Variants in TTC28 observed in about 807,000 individuals in gnomAD.
TTC28 encodes tetratricopeptide repeat domain 28.
In TTC28, 61 loss-of-function variants were observed where a neutral mutation model predicts 198.0. That is an observed-to-expected ratio of 0.31 (90% CI 0.25 to 0.38). TTC28 has a LOEUF of 0.38. TTC28 is among the 10% of genes least tolerant of loss of function. The probability of loss-of-function intolerance (pLI) is 1.00; values close to 1 mark genes in which losing one functional copy is unlikely to be tolerated. For synonymous variants in TTC28, 1,171 were observed against 1,297.8 expected, an observed-to-expected ratio of 0.90 and a Z score of 2.10; for missense variants, 2,678 against 3,164.0, an observed-to-expected ratio of 0.85 and a Z score of 3.69.
chr22:28,062,215 GC>G (rs1416560553), intron 12 of TTC28, among the ~76,000 whole-genome samples: 2 of 151,848 alleles, frequency 1.3e-5, no homozygotes, highest in Non-Finnish European at 2.9e-5. Context: ...GTGCCACCAT[GC>G]CTGGCTAATT....
intron 2 of TTC28, among the ~76,000 whole-genome samples, chr22:28,569,562 T>C (rs1238783168): frequency 6.6e-6 from 1 of 152,042 alleles, no homozygotes. Context: ...CAACTCAAGA[T>C]GGATTAAAGA....
At chr22:28,553,405 C>T (rs1417962892) in intron 2 of TTC28, among the ~76,000 whole-genome samples, 1 of 149,646 alleles carries the variant, frequency 6.7e-6, no homozygotes, top group Non-Finnish European at 1.5e-5. Context: ...GGCCGCCCAT[C>T]GTCTGAGATG....
intron 5 of TTC28, among the ~76,000 whole-genome samples, chr22:28,251,401 G>T (rs959709858): frequency 1.3e-5 from 2 of 152,118 alleles, no homozygotes; most frequent in Non-Finnish European, 2.9e-5. Flanking sequence ...TGGCAAAGTT[G>T]GTTAGTTGTG....
rs1014431960 is a variant in TTC28 at position 28,280,333 on chromosome 22, A to T, written c.933+15865T>A. Among the ~76,000 whole-genome samples, 345 of 150,450 alleles carry T rather than the reference A, an allele frequency of 2.3e-3. 3 individuals are homozygous for T. The highest frequency in any genetic ancestry group is 7.6e-3 in the African/African-American group (312 of 41,028). ...AAAAAAGAAAAAAGTAAAAAAAAAA[A>T]TTTTTTTTTTGAGATGGAGTTTTGC... On this transcript the variant is annotated intron_variant, in intron 5 of 22. Transcript: ENST00000397906.
Position 27,978,702 on chromosome 22 carries a change from C to T in TTC28, c.*3519G>A, listed in dbSNP as rs1240515003. Reference sequence around the variant, plus strand: ...TTTTGTGTTGCACATCAGTGTGGATCAAAATGTAAGTTTTAGTAGCAATTT... The same window carrying T: ...TTTTGTGTTGCACATCAGTGTGGATTAAAATGTAAGTTTTAGTAGCAATTT... On this transcript the variant is annotated 3_prime_UTR_variant, in exon 23 of 23. Coordinates refer to ENST00000397906, the MANE Select transcript of TTC28 (RefSeq NM_001145418.2). 2 of 152,136 alleles carry T rather than the reference C, an allele frequency of 1.3e-5. No homozygotes were observed. The highest frequency in any genetic ancestry group is 4.8e-5 in the African/African-American group (2 of 41,420). The allele number at this position is 152,136 out of a possible 1,614,324, so 9.4% of individuals were successfully genotyped here. A position where few individuals can be genotyped will look rare whatever the true frequency, so the allele number is the denominator to read the frequency against.
At position 28,265,813 on chromosome 22, in the gene TTC28, A is replaced by G. The variant is rs868572469; in HGVS notation, c.933+30385T>C. On this transcript the variant is annotated intron_variant, in intron 5 of 22. Transcript: ENST00000397906. ...GAAAATGGCCTTTAGAAGTTATCTC[A>G]TCATTATTCCTTCAACAACACCCAG... 2.0e-5 allele frequency among the ~76,000 whole-genome samples: 3 copies of G among 152,312 alleles called. 1 individual carries two copies. In the Middle Eastern group the frequency reaches 0.01, roughly 518 times the overall value.
chr22:28,220,439 T>C (rs1334480240), intron 5 of TTC28, among the ~76,000 whole-genome samples: 2 of 152,218 alleles, frequency 1.3e-5, no homozygotes, highest in East Asian at 3.9e-4. Flanking sequence ...GAGGCTTAAT[T>C]TGGGGAGGAT....
At chr22:28,336,950 C>A (rs1185296742) in intron 2 of TTC28, among the ~76,000 whole-genome samples, 1 of 152,174 alleles carries the variant, frequency 6.6e-6, no homozygotes, top group Non-Finnish European at 1.5e-5. Context: ...AATTTTAGAT[C>A]TTTCCTGCTT....
At chr22:27,990,285 G>T (rs563039520) in intron 20 of TTC28, among the ~76,000 whole-genome samples, 1 of 152,210 alleles carries the variant, frequency 6.6e-6, no homozygotes, top group Non-Finnish European at 1.5e-5. Context: ...AGGCGTGGGA[G>T]AGCCTCACAG....
chr22:28,080,338 G>A (rs1941301459), intron 12 of TTC28, among the ~76,000 whole-genome samples: 1 of 152,038 alleles, frequency 6.6e-6, no homozygotes, highest in Admixed American at 6.5e-5. Flanking sequence ...TCCACATCCT[G>A]GCCAACACTG....
intron 2 of TTC28, among the ~76,000 whole-genome samples, chr22:28,611,645 C>T (rs2050821785): frequency 1.4e-5 from 2 of 141,038 alleles, no homozygotes; most frequent in South Asian, 5.2e-4. Flanking sequence ...TCTCCCAATG[C>T]TATCCCTCCC....
rs138507747 is a variant in TTC28, at chr22:28,362,931, G to A, written c.382-56288C>T. ...TAAGGGAAGCAGAACATAAAAGTTC[G>A]GAAAATTTGCAGCCTGACAATGCCA... On this transcript the variant is annotated intron_variant, in intron 2 of 22. Transcript: ENST00000397906. Among the ~76,000 whole-genome samples the A allele has an allele frequency of 3.6e-3, 546 of 152,076 alleles. 2 individuals are homozygous for A. The highest frequency in any genetic ancestry group is 9.3e-3 in the African/African-American group (384 of 41,500).
At chr22:28,421,520 T>G (rs890334482) in intron 2 of TTC28, among the ~76,000 whole-genome samples, 1 of 152,160 alleles carries the variant, frequency 6.6e-6, no homozygotes, top group African/African-American at 2.4e-5. Flanking sequence ...TTTCCATATA[T>G]GTATTAGTAA....
chr22:27,978,443 GA>G lies in TTC28; in HGVS notation c.*3777del, dbSNP rs36006161. Reference sequence around the variant, plus strand: ...GCATGGCATTTTTCCAGCCTGAACTGAAATTATCAAGGCTACAGTTCTTCTT... The same window carrying G: ...GCATGGCATTTTTCCAGCCTGAACTGAATTATCAAGGCTACAGTTCTTCTT... On this transcript the variant is annotated 3_prime_UTR_variant, in exon 23 of 23. Transcript: ENST00000397906. 5,618 of 152,382 alleles carry G rather than the reference GA, an allele frequency of 0.037. 165 individuals are homozygous for G. The highest frequency in any genetic ancestry group is 0.053 in the Non-Finnish European group (3,605 of 68,046). 9.4% of individuals were successfully genotyped at this position (152,382 alleles called of 1,614,324 possible).
At chr22:28,299,396 T>C (rs758636684) in intron 3 of TTC28, among the ~76,000 whole-genome samples, 5 of 152,176 alleles carry the variant, frequency 3.3e-5, no homozygotes, top group Non-Finnish European at 7.3e-5. Context: ...CACAGAAATC[T>C]TGAAACCTGG....
At chr22:28,293,902 A>G (rs1334548807) in intron 5 of TTC28, among the ~76,000 whole-genome samples, 1 of 152,172 alleles carries the variant, frequency 6.6e-6, no homozygotes, top group Non-Finnish European at 1.5e-5. Flanking sequence ...CCTCTGCAAT[A>G]GTTGAGCTAT....
intron 12 of TTC28, among the ~76,000 whole-genome samples, chr22:28,034,842 G>C (rs1275737802): frequency 1.3e-5 from 2 of 152,270 alleles, no homozygotes; most frequent in East Asian, 1.9e-4. Context: ...CTGTTCCAGG[G>C]ATCCTGTGAC....
chr22:27,982,484 A>G lies in TTC28; in HGVS notation c.7183T>C (p.Leu2395=), dbSNP rs5762430. 289,725 of 1,551,178 alleles carry G rather than the reference A, an allele frequency of 0.19. 30,160 individuals are homozygous for G. The highest frequency in any genetic ancestry group is 0.36 in the Middle Eastern group (2,144 of 5,990). ...MTSKRDVLSL[L]NLSPRHNKKE... The stretch of plus-strand genomic sequence containing the variant: ...TTATTGTGCCGTGGTGACAAATTCA[A>G]CAGACTGAGGACATCCCTTTTGGAA... The change falls in exon 23 of 23, where the codon TTG becomes CTG. Residue 2395 remains leucine, a synonymous_variant. Coordinates refer to ENST00000397906, the MANE Select transcript of TTC28 (RefSeq NM_001145418.2). This position sits in a 1 kb window ranked among gnomAD's most constrained non-coding sequence, Gnocchi z 5.2.
At chr22:28,374,928 TAA>T (rs534067436) in intron 2 of TTC28, among the ~76,000 whole-genome samples, 1 of 145,894 alleles carries the variant, frequency 6.9e-6, no homozygotes. Context: ...AGTTGCATAT[TAA>T]AAAAAAAAGG....
Sources: gnomAD v4.1 joint callset for allele counts (sites outside exome capture counted in the v4.1 genomes callset) on GRCh38, gnomAD v4.1.1 for gene constraint, Gnocchi (gnomAD v3.1) non-coding constraint, MANE v1.5 for transcripts, NCBI Gene and HGNC (gene_info 2026-07-23, HGNC 2026-07-21) for gene names.